MTMR9: variants seen among roughly 807,000 people sequenced by gnomAD.
MTMR9 encodes myotubularin-related protein 9.
A neutral mutation model predicts 69.5 loss-of-function variants in MTMR9; 39 were observed. That is an observed-to-expected ratio of 0.56 (90% CI 0.43 to 0.73). The LOEUF is 0.73. MTMR9 is among the 30% of genes least tolerant of loss of function. MTMR9 has a pLI of 0.00. For missense variants in MTMR9, 900 were observed against 671.2 expected, an observed-to-expected ratio of 1.34 and a Z score of -3.77; for synonymous variants, 354 against 240.8, an observed-to-expected ratio of 1.47 and a Z score of -4.35.
chr8:11,289,999 C>A (rs190297647), intron 1 of MTMR9, among the ~76,000 whole-genome samples: 225 of 152,218 alleles, frequency 1.5e-3, no homozygotes, highest in Non-Finnish European at 1.5e-3. Context: ...GATGGGATGG[C>A]GCCATAAAGT....
chr8:11,304,506 G>C (rs576648312), intron 3 of MTMR9, among the ~76,000 whole-genome samples: 1 of 152,318 alleles, frequency 6.6e-6, no homozygotes, highest in East Asian at 1.9e-4. Context: ...TCAAACATTT[G>C]ATGGGATACC....
intron 2 of MTMR9, among the ~76,000 whole-genome samples, chr8:11,296,101 A>T (rs547935129): frequency 1.5e-5 from 1 of 68,888 alleles, no homozygotes; most frequent in African/African-American, 3.0e-5. Context: ...ATATTATTAC[A>T]TATATATATA....
At chr8:11,329,654 C>T (rs546351386), downstream of MTMR9, among the ~76,000 whole-genome samples, 7 of 152,336 alleles carry the variant, frequency 4.6e-5, no homozygotes, top group South Asian at 8.3e-4. Context: ...GGCGTGATCT[C>T]GGCTCGCTAC....
intron 3 of MTMR9, among the ~76,000 whole-genome samples, chr8:11,302,578 A>T (rs902976606): frequency 2.0e-5 from 3 of 152,188 alleles, no homozygotes; most frequent in Admixed American, 2.0e-4. Flanking sequence ...GATTTGAAGG[A>T]AATTTATTTA....
chr8:11,312,121 C>T (rs932915867), intron 6 of MTMR9, among the ~76,000 whole-genome samples: 25 of 151,844 alleles, frequency 1.6e-4, no homozygotes, highest in African/African-American at 5.6e-4. Flanking sequence ...CACGGCGCAC[C>T]GCAGCCTAGA....
chr8:11,331,958 T>C (rs143561859), downstream of MTMR9: 1,365 of 1,612,042 alleles, frequency 8.5e-4, 7 homozygotes, highest in African/African-American at 0.016. Context: ...TGGTGTGCGC[T>C]GTCCTGCATT....
At chr8:11,298,956 C>T (rs1354464856) in intron 2 of MTMR9, 1 of 809,606 alleles carries the variant, frequency 1.2e-6, no homozygotes, top group African/African-American at 1.9e-5. Flanking sequence ...TATGATGATA[C>T]ATGACCAAAT....
Position 11,319,716 on chromosome 8 carries a change from T to C in MTMR9, c.1364T>C (p.Met455Thr). ...AAGTTGAAGCTACAGCAGAAGACGA[T>C]GTCTTTGTGGTCCTGGGTTAATCAG... ...RCKLKLQQKT[M>T]SLWSWVNQPS... is the part of the protein sequence containing the mutation. The change falls in exon 9 of 10, where the codon ATG (methionine) becomes ACG (threonine). Residue 455 changes from methionine to threonine, a missense_variant. Transcript: ENST00000221086. 1 of 1,614,096 alleles carries C rather than the reference T, an allele frequency of 6.2e-7. No individual in the cohort carries two copies. The highest frequency in any genetic ancestry group is 1.7e-4 in the Middle Eastern group (1 of 5,982).
At chr8:11,290,780 T>G (rs1799354154) in intron 1 of MTMR9, among the ~76,000 whole-genome samples, 1 of 152,058 alleles carries the variant, frequency 6.6e-6, no homozygotes, top group African/African-American at 2.4e-5. Context: ...ATTAATCTGC[T>G]CTTTTGTCAT....
intron 6 of MTMR9, among the ~76,000 whole-genome samples, chr8:11,313,319 C>A (rs1176151781): frequency 6.6e-6 from 1 of 152,178 alleles, no homozygotes; most frequent in African/African-American, 2.4e-5. Context: ...AATATTGCAG[C>A]TGGTTTGATC....
intron 1 of MTMR9, among the ~76,000 whole-genome samples, chr8:11,293,786 T>C (rs571750550): frequency 6.6e-6 from 1 of 152,224 alleles, no homozygotes; most frequent in South Asian, 2.1e-4. Context: ...AGCTATCCAG[T>C]TGTGCCAGCA....
chr8:11,312,451 ATCC>A (rs1176647087), intron 6 of MTMR9, among the ~76,000 whole-genome samples: 1 of 152,148 alleles, frequency 6.6e-6, no homozygotes. Flanking sequence ...GCTTCAAGCA[ATCC>A]TCCTGCCTTG....
intron 1 of MTMR9, among the ~76,000 whole-genome samples, chr8:11,290,699 G>T (rs577099110): frequency 6.6e-6 from 1 of 152,088 alleles, no homozygotes; most frequent in Non-Finnish European, 1.5e-5. Context: ...ACCCAACCTT[G>T]GCTGGTTTAT....
chr8:11,285,765 A>C (rs1799127353), intron 1 of MTMR9, among the ~76,000 whole-genome samples: 1 of 152,122 alleles, frequency 6.6e-6, no homozygotes, highest in African/African-American at 2.4e-5. Context: ...TTTCATCTGC[A>C]TTCAAAATTC....
chr8:11,331,854 CTCCTGAGT>C (rs1801246227), downstream of MTMR9: 1 of 1,611,910 alleles, frequency 6.2e-7, no homozygotes, highest in Admixed American at 1.7e-5. Context: ...GCCCAGTGAC[CTCCTGAGT>C]TGGAGTTGTG....
At chr8:11,332,980 G>T (rs143551659), downstream of MTMR9, among the ~76,000 whole-genome samples, 1 of 152,168 alleles carries the variant, frequency 6.6e-6, no homozygotes, top group African/African-American at 2.4e-5. Context: ...ACTCTGAGGA[G>T]CATAAAGAAA....
chr8:11,320,340 T>G (rs954935091), intron 9 of MTMR9: 2 of 152,382 alleles, frequency 1.3e-5, no homozygotes, highest in African/African-American at 4.8e-5. Context: ...ATGCTTAATT[T>G]TTAAATCTAT....
chr8:11,293,274 T>C (rs1563266395), intron 1 of MTMR9, among the ~76,000 whole-genome samples: 1 of 152,312 alleles, frequency 6.6e-6, no homozygotes, highest in African/African-American at 2.4e-5. Context: ...GCTTATAGAA[T>C]GAGGATATAA....
chr8:11,331,282 G>A (rs370522572), downstream of MTMR9: 134 of 1,613,850 alleles, frequency 8.3e-5, no homozygotes, highest in Non-Finnish European at 1.1e-4. Flanking sequence ...CCCCTTTCTC[G>A]TATGGCTTAC....
Sources: gnomAD v4.1 joint callset for allele counts (sites outside exome capture counted in the v4.1 genomes callset) on GRCh38, gnomAD v4.1.1 for gene constraint, MANE v1.5 for transcripts, NCBI Gene and HGNC (gene_info 2026-07-23, HGNC 2026-07-21) for gene names.